The following RSRC1 variants were observed in gnomAD, a reference collection of about 807,000 sequenced individuals.
RSRC1 encodes the protein serine/Arginine-related protein 53.
In RSRC1, 39 loss-of-function variants were observed where a neutral mutation model predicts 49.1. That is an observed-to-expected ratio of 0.79 (90% confidence interval 0.61 to 1.04). The LOEUF (loss-of-function observed/expected upper bound fraction) is 1.04, where lower values mean the gene tolerates loss of function less well. RSRC1 is among the 50% of genes least tolerant of loss of function. The pLI is 0.00. For missense variants in RSRC1, 388 were observed against 402.4 expected (o/e 0.96, Z 0.31); for synonymous variants, 143 against 130.8 (o/e 1.09, Z -0.63).
chr3:158,155,159 C>T (rs1482728642), intron 3 of RSRC1, among the ~76,000 whole-genome samples: 1 of 152,142 alleles, frequency 6.6e-6, no homozygotes, highest in Non-Finnish European at 1.5e-5. Context: ...TCCTGTGAAT[C>T]AGAAATGTTC....
intron 6 of RSRC1, among the ~76,000 whole-genome samples, chr3:158,441,762 C>T (rs142248458): frequency 1.1e-4 from 17 of 152,108 alleles, no homozygotes; most frequent in African/African-American, 4.1e-4. Flanking sequence ...AAAATTGACA[C>T]GATTGTGAGG....
intron 4 of RSRC1, among the ~76,000 whole-genome samples, chr3:158,225,282 CTCTTA>C (rs1722467787): frequency 6.6e-6 from 1 of 151,842 alleles, no homozygotes; most frequent in African/African-American, 2.4e-5. Flanking sequence ...GTCTAAGTAA[CTCTTA>C]TCTTATTGAA....
intron 3 of RSRC1, among the ~76,000 whole-genome samples, chr3:158,160,995 CT>C (rs1718182017): frequency 6.8e-6 from 1 of 147,252 alleles, no homozygotes; most frequent in Admixed American, 6.6e-5. Context: ...AACAGTTGTT[CT>C]TGTGCTTATT....
At chr3:158,318,941 G>A (rs956729780) in intron 5 of RSRC1, among the ~76,000 whole-genome samples, 1 of 152,146 alleles carries the variant, frequency 6.6e-6, no homozygotes, top group Non-Finnish European at 1.5e-5. Flanking sequence ...GGCCTGGGGC[G>A]GGAGCCTGGA....
chr3:158,544,042 A>G (rs1416961854), intron 9 of RSRC1, 141 bp from the exon 10 acceptor site: 5 of 589,268 alleles, frequency 8.5e-6, no homozygotes, highest in Non-Finnish European at 1.2e-5. Context: ...ATAGTCATCA[A>G]TTAAGAGGTC....
intron 7 of RSRC1, among the ~76,000 whole-genome samples, chr3:158,528,919 A>G (rs939502602): frequency 1.3e-5 from 2 of 151,894 alleles, no homozygotes; most frequent in Non-Finnish European, 2.9e-5. Flanking sequence ...AAATTCATGG[A>G]AACCATTCTT....
intron 4 of RSRC1, among the ~76,000 whole-genome samples, chr3:158,260,352 C>A (rs1156983962): frequency 6.6e-6 from 1 of 152,118 alleles, no homozygotes; most frequent in Non-Finnish European, 1.5e-5. Flanking sequence ...CTAGAAATGT[C>A]ATCTGTGAGC....
chr3:158,327,619 T>C lies in RSRC1; in HGVS notation c.532-27238T>C, dbSNP rs553650611. ...AGACAGTTTGTTATAATTTCTGTTCTTTTACATTTGCTGAGGAGTGCTTTA... is the reference window on the plus strand; with the variant it reads ...AGACAGTTTGTTATAATTTCTGTTCCTTTACATTTGCTGAGGAGTGCTTTA... On this transcript the variant is annotated intron_variant, in intron 5 of 9. Coordinates refer to ENST00000611884, the MANE Select transcript of RSRC1 (RefSeq NM_001271838.2). Among the ~76,000 whole-genome samples the C allele has an allele frequency of 2.1e-4, 32 of 152,216 alleles. 1 individual carries two copies. The East Asian group carries it at 3.9e-3, about 18-fold the overall frequency.
chr3:158,280,614 T>C (rs1395692580), intron 4 of RSRC1, among the ~76,000 whole-genome samples: 3 of 150,742 alleles, frequency 2.0e-5, no homozygotes, highest in African/African-American at 7.3e-5. Context: ...TGAAGGGTTT[T>C]GAGCTCAAGA....
At chr3:158,362,129 A>G (rs942264461) in intron 6 of RSRC1, among the ~76,000 whole-genome samples, 2 of 152,206 alleles carry the variant, frequency 1.3e-5, no homozygotes, top group Admixed American at 1.3e-4. Flanking sequence ...ATTTGAGCCC[A>G]GGAGTTCGAG....
chr3:158,126,607 T>A (rs1715643951), intron 3 of RSRC1, among the ~76,000 whole-genome samples: 1 of 152,226 alleles, frequency 6.6e-6, no homozygotes, highest in Admixed American at 6.5e-5. Flanking sequence ...ATTAAAAATG[T>A]TTTACATACC....
chr3:158,366,310 A>C (rs1731765888), intron 6 of RSRC1, among the ~76,000 whole-genome samples: 1 of 152,056 alleles, frequency 6.6e-6, no homozygotes, highest in African/African-American at 2.4e-5. Context: ...ATCCATCTTG[A>C]GTTACTTTTT....
At chr3:158,215,698 C>T (rs1410467606) in intron 4 of RSRC1, among the ~76,000 whole-genome samples, 1 of 151,632 alleles carries the variant, frequency 6.6e-6, no homozygotes, top group Non-Finnish European at 1.5e-5. Context: ...AATACACGTA[C>T]TTAATTCTTC....
chr3:158,275,628 C>A (rs1725763230), intron 4 of RSRC1, among the ~76,000 whole-genome samples: 1 of 152,158 alleles, frequency 6.6e-6, no homozygotes, highest in Admixed American at 6.6e-5. Flanking sequence ...AAAAGTTTAT[C>A]CTATTAGAAA....
chr3:158,496,026 A>G (rs1739304994), intron 7 of RSRC1, among the ~76,000 whole-genome samples: 1 of 152,208 alleles, frequency 6.6e-6, no homozygotes, highest in Non-Finnish European at 1.5e-5. Flanking sequence ...GTGTACATAA[A>G]AGAGAAATTA....
chr3:158,119,832 CTTTTTTTT>C (rs35646318), intron 1 of RSRC1, among the ~76,000 whole-genome samples: 1 of 129,076 alleles, frequency 7.7e-6, no homozygotes, highest in Non-Finnish European at 1.6e-5. Context: ...ATTTCATAGT[CTTTTTTTT>C]TTTTTTTTGA....
chr3:158,447,495 A>G lies in RSRC1; in HGVS notation c.584-13440A>G, dbSNP rs1242014270. ...ACTAGTAGAATTAGATTTGTTTTATATGTTATTTCCACACAGTTTTTAAAA... is the reference window on the plus strand; with the variant it reads ...ACTAGTAGAATTAGATTTGTTTTATGTGTTATTTCCACACAGTTTTTAAAA... On this transcript the variant is annotated intron_variant, in intron 6 of 9. Coordinates refer to ENST00000611884, the MANE Select transcript of RSRC1 (RefSeq NM_001271838.2). Among the ~76,000 whole-genome samples the G allele has an allele frequency of 2.0e-5, 3 of 152,174 alleles. No individual in the cohort carries two copies. The South Asian group carries it at 6.2e-4, about 32-fold the overall frequency.
At chr3:158,164,922 T>G (rs1281096064) in intron 3 of RSRC1, among the ~76,000 whole-genome samples, 1 of 152,186 alleles carries the variant, frequency 6.6e-6, no homozygotes, top group Admixed American at 6.6e-5. Context: ...GGTTTTAAGA[T>G]TATTGATTGG....
chr3:158,437,098 T>A (rs1027479791), intron 6 of RSRC1, among the ~76,000 whole-genome samples: 3 of 151,952 alleles, frequency 2.0e-5, no homozygotes, highest in Non-Finnish European at 4.4e-5. Flanking sequence ...CCAATTCTTT[T>A]TATAGATGTA....
Sources: allele counts gnomAD v4.1 joint callset (sites outside exome capture counted in the v4.1 genomes callset), GRCh38; gene constraint gnomAD v4.1.1; transcripts MANE v1.5; gene names NCBI Gene and HGNC (gene_info 2026-07-23, HGNC 2026-07-21).